Variants in DPP6 observed in about 807,000 individuals in gnomAD.
The protein encoded by DPP6 is A-type potassium channel modulatory protein DPP6.
Under a neutral mutation model 122.6 loss-of-function variants are expected in DPP6, and 69 were observed. The observed-to-expected ratio is 0.56, with a 90% CI of 0.46 to 0.69. DPP6 has a LOEUF of 0.69. Among genes scored for constraint, DPP6 ranks in the 30% least tolerant of loss-of-function variants. The pLI is 0.00. For missense variants in DPP6, 928 were observed against 1,116.9 expected (o/e 0.83, Z 2.41); for synonymous variants, 418 against 433.1 (o/e 0.97, Z 0.43).
chr7:154,074,366 A>G (rs1803396644), intron 1 of DPP6, among the ~76,000 whole-genome samples: 1 of 152,048 alleles, frequency 6.6e-6, no homozygotes, highest in Non-Finnish European at 1.5e-5. Context: ...AGACTAACCA[A>G]GACAATCATG....
intron 1 of DPP6, among the ~76,000 whole-genome samples, chr7:153,947,319 G>C (rs972551666): frequency 2.6e-5 from 4 of 152,048 alleles, no homozygotes; most frequent in Non-Finnish European, 5.9e-5. Flanking sequence ...TCAGAGCATC[G>C]GCTGGGTTCA....
chr7:154,243,974 A>G (rs1218883907), intron 1 of DPP6, among the ~76,000 whole-genome samples: 1 of 152,160 alleles, frequency 6.6e-6, no homozygotes, highest in Non-Finnish European at 1.5e-5. Context: ...AACAGGACAG[A>G]GGAGAGAAAA....
At chr7:154,757,440 C>T (rs1285086191) in intron 8 of DPP6, among the ~76,000 whole-genome samples, 1 of 152,252 alleles carries the variant, frequency 6.6e-6, no homozygotes, top group East Asian at 1.9e-4. Flanking sequence ...TCCTGCCTCA[C>T]TTGGAGACAA....
intron 4 of DPP6, among the ~76,000 whole-genome samples, chr7:154,555,580 A>G (rs1278435811): frequency 6.6e-6 from 1 of 152,236 alleles, no homozygotes; most frequent in Middle Eastern, 3.4e-3. Flanking sequence ...ACAAACCTGC[A>G]TGTTGCGCAC....
At chr7:153,966,706 G>A (rs2628869) in intron 1 of DPP6, among the ~76,000 whole-genome samples, 17 of 151,520 alleles carry the variant, frequency 1.1e-4, no homozygotes, top group Admixed American at 2.6e-4. Context: ...TGTGAGACTT[G>A]TAAAAACAAA....
intron 1 of DPP6, among the ~76,000 whole-genome samples, chr7:153,911,853 G>GCGGAAGGCACCAGTT (rs992832508): frequency 6.6e-6 from 1 of 151,016 alleles, no homozygotes; most frequent in Non-Finnish European, 1.5e-5. Flanking sequence ...TTTTCTTTTT[G>GCGGAAGGCACCAGTT]CGGAAGGCAC....
intron 4 of DPP6, among the ~76,000 whole-genome samples, chr7:154,542,112 C>T (rs565677760): frequency 6.6e-6 from 1 of 152,238 alleles, no homozygotes; most frequent in Non-Finnish European, 1.5e-5. Flanking sequence ...CATGCTGCCC[C>T]TAACATAGAC....
intron 20 of DPP6, 167 bp downstream of exon 20, chr7:154,876,267 A>ACTT: frequency 8.3e-7 from 1 of 1,211,778 alleles, no homozygotes; most frequent in Non-Finnish European, 1.1e-6. Flanking sequence ...TTCAAAGGAA[A>ACTT]CTTAGGAATC....
chr7:153,780,434 T>G, the DPP6 span, among the ~76,000 whole-genome samples: 1 of 152,294 alleles, frequency 6.6e-6, no homozygotes. Flanking sequence ...TTAAATAGCC[T>G]CTTGATATCA....
chr7:154,876,343 A>G, intron 20 of DPP6: 1 of 659,064 alleles, frequency 1.5e-6, no homozygotes. Context: ...GACTAAAACA[A>G]GGGGATAGAA....
intron 1 of DPP6, among the ~76,000 whole-genome samples, chr7:154,409,945 C>G (rs953481225): frequency 6.6e-5 from 10 of 152,018 alleles, no homozygotes; most frequent in South Asian, 4.1e-4. Flanking sequence ...TTATTGTGTG[C>G]CAGGAAAGAC....
chr7:154,284,881 A>G (rs915165327), intron 1 of DPP6, among the ~76,000 whole-genome samples: 8 of 152,108 alleles, frequency 5.3e-5, no homozygotes, highest in Admixed American at 5.2e-4. Context: ...AAACAAAAAC[A>G]TTATGCCAAA....
intron 1 of DPP6, among the ~76,000 whole-genome samples, chr7:154,014,331 A>G (rs1798297031): frequency 7.0e-6 from 1 of 143,056 alleles, no homozygotes; most frequent in African/African-American, 2.7e-5. Context: ...ATCTGTGACC[A>G]TGAATAAGCT....
chr7:153,767,534 ATT>A, the DPP6 span, among the ~76,000 whole-genome samples: 3 of 137,642 alleles, frequency 2.2e-5, no homozygotes, highest in African/African-American at 5.4e-5. Flanking sequence ...CACCCGGTTA[ATT>A]TTTTTTTTTT....
the DPP6 span, among the ~76,000 whole-genome samples, chr7:153,814,636 C>T: frequency 6.6e-6 from 1 of 152,114 alleles, no homozygotes; most frequent in Non-Finnish European, 1.5e-5. Flanking sequence ...GATACCAAAG[C>T]CGGGCAGAGA....
At chr7:153,923,566 C>A (rs986223478) in intron 1 of DPP6, among the ~76,000 whole-genome samples, 5 of 151,868 alleles carry the variant, frequency 3.3e-5, no homozygotes, top group Non-Finnish European at 7.4e-5. Flanking sequence ...TCGAGACCAT[C>A]CTGGCTAATA....
chr7:154,089,004 G>T (rs920552758), intron 1 of DPP6, among the ~76,000 whole-genome samples: 1 of 152,090 alleles, frequency 6.6e-6, no homozygotes, highest in East Asian at 1.9e-4. Context: ...CTCAGAGCAC[G>T]TCCAGCCCAG....
At chr7:154,248,527 T>C (rs1802136627) in intron 1 of DPP6, among the ~76,000 whole-genome samples, 1 of 152,182 alleles carries the variant, frequency 6.6e-6, no homozygotes, top group Non-Finnish European at 1.5e-5. Flanking sequence ...TTGGAATATA[T>C]ACATTTGAGG....
At chr7:153,924,179 G>A (rs892218603) in intron 1 of DPP6, among the ~76,000 whole-genome samples, 1 of 151,770 alleles carries the variant, frequency 6.6e-6, no homozygotes, top group African/African-American at 2.4e-5. Context: ...GCAATGGCGC[G>A]ATCCCTGTGA....
Sources: allele counts gnomAD v4.1 joint callset (sites outside exome capture counted in the v4.1 genomes callset), GRCh38; gene constraint gnomAD v4.1.1; transcripts MANE v1.5; gene names NCBI Gene and HGNC (gene_info 2026-07-23, HGNC 2026-07-21).